The following SKI variants were observed in gnomAD, a reference collection of about 807,000 sequenced individuals.
The protein encoded by SKI is ski oncogene.
In SKI, 23 loss-of-function variants were observed where a neutral mutation model predicts 59.3. The observed-to-expected ratio is 0.39, with a 90% confidence interval of 0.28 to 0.55. The LOEUF (loss-of-function observed/expected upper bound fraction) is 0.55. Ranked by LOEUF, SKI falls within the 20% of genes least tolerant of loss-of-function variation. The probability of loss-of-function intolerance (pLI) is 0.67; values close to 1 mark genes in which losing one functional copy is unlikely to be tolerated. For missense variants in SKI, 1,017 were observed against 1,038.9 expected, an observed-to-expected ratio of 0.98 and a Z score of 0.29; for synonymous variants, 673 against 488.6, an observed-to-expected ratio of 1.38 and a Z score of -4.98.
At chr1:2,286,451 A>G (rs1433160595) in intron 1 of SKI, among the ~76,000 whole-genome samples, 2 of 152,168 alleles carry the variant, frequency 1.3e-5, no homozygotes, top group South Asian at 2.1e-4. Context: ...AACTATGATG[A>G]TGCTACCGCA....
intron 1 of SKI, among the ~76,000 whole-genome samples, chr1:2,284,696 G>A (rs765473364): frequency 6.6e-6 from 1 of 152,196 alleles, no homozygotes; most frequent in Non-Finnish European, 1.5e-5. Flanking sequence ...CGGCCTATGA[G>A]CCCTCCCTGG....
Position 2,303,349 on chromosome 1 carries a change from C to T in SKI, c.1160C>T (p.Ser387Leu), listed in dbSNP as rs2100917116. 1 of 1,613,846 alleles carries T rather than the reference C, an allele frequency of 6.2e-7. No individual in the cohort carries two copies. Among genetic ancestry groups the T allele is most frequent in the East Asian group, 2.2e-5 (1 of 44,876 alleles). ...SAFRPWSPAVSASEKELSPHL... is the reference protein window; with the variant it reads ...SAFRPWSPAVLASEKELSPHL... ...TTCCGACCCTGGTCCCCCGCAGTGT[C>T]AGCGAGTGAGAAAGAGCTCTCCCCA... Residue 387 changes from serine (S) to leucine (L), a missense_variant, in exon 3 of 7, where the codon TCA becomes TTA. By Grantham distance (145) the Ser-to-Leu change is moderately radical (BLOSUM62 -2). Coordinates refer to ENST00000378536, the MANE Select transcript of SKI (RefSeq NM_003036.4). This position sits in a 1 kb window ranked among gnomAD's most constrained non-coding sequence, Gnocchi z 5.6.
intron 1 of SKI, among the ~76,000 whole-genome samples, chr1:2,290,094 TA>T (rs1569829738): frequency 6.6e-6 from 1 of 152,082 alleles, no homozygotes; most frequent in East Asian, 1.9e-4. Context: ...GGGATGTTCC[TA>T]GAGTGGGGAG....
intron 1 of SKI, among the ~76,000 whole-genome samples, chr1:2,273,433 C>A (rs150683619): frequency 1.3e-5 from 2 of 152,178 alleles, no homozygotes; most frequent in Non-Finnish European, 2.9e-5. Context: ...TGAGATGGGA[C>A]TTCTCAGCTT....
At chr1:2,240,345 C>G (rs1297925115) in intron 1 of SKI, among the ~76,000 whole-genome samples, 2 of 152,180 alleles carry the variant, frequency 1.3e-5, no homozygotes, top group East Asian at 3.9e-4. Flanking sequence ...GTGGGAGGGG[C>G]AGGCGCCTCC....
At chr1:2,234,303 C>T (rs982175646) in intron 1 of SKI, among the ~76,000 whole-genome samples, 10 of 152,150 alleles carry the variant, frequency 6.6e-5, no homozygotes, top group African/African-American at 2.4e-4. Context: ...TGGTCATTTT[C>T]CCGGCATGGT....
intron 5 of SKI, 38 bp from the exon 6 acceptor site, chr1:2,305,982 C>T (rs1488504031): frequency 4.8e-6 from 7 of 1,472,616 alleles, no homozygotes; most frequent in African/African-American, 1.4e-5. Flanking sequence ...GTGCTGGGAC[C>T]GGCTGGGCAG....
intron 1 of SKI, among the ~76,000 whole-genome samples, chr1:2,276,378 G>A (rs1176609565): frequency 6.6e-6 from 1 of 152,196 alleles, no homozygotes; most frequent in Non-Finnish European, 1.5e-5. Context: ...GGGCTGCCCC[G>A]ACTGGCCTGG....
chr1:2,290,823 G>A (rs750404735), intron 1 of SKI, among the ~76,000 whole-genome samples: 6 of 152,200 alleles, frequency 3.9e-5, no homozygotes, highest in African/African-American at 1.2e-4. Context: ...CCGCTCTTAC[G>A]AAACACTCTT....
rs750993926 is a variant in SKI at position 2,304,248 on chromosome 1, C to T, written c.1475-45C>T. ...GGCGCGTCTCCCTGGTGTGGAGCTG[C>T]CGGGCACTTCCATGACTTTGTTTCT... On this transcript the variant is annotated intron_variant, in intron 4 of 6. Transcript: ENST00000378536. The T allele has an allele frequency of 1.2e-5, 18 of 1,552,110 alleles. No individual in the cohort carries two copies. In the South Asian group the frequency reaches 2.0e-4, roughly 17 times the overall value.
At chr1:2,273,771 G>A (rs964313374) in intron 1 of SKI, among the ~76,000 whole-genome samples, 1 of 152,226 alleles carries the variant, frequency 6.6e-6, no homozygotes, top group Non-Finnish European at 1.5e-5. Flanking sequence ...CGTGGGCAGC[G>A]TTCGGGCTGA....
In SKI at chr1:2,229,011, C is replaced by G; in HGVS notation, c.245C>G (p.Pro82Arg). The G allele has an allele frequency of 6.3e-7, 1 of 1,582,962 alleles. No homozygotes were observed. Among genetic ancestry groups the G allele is most frequent in the Non-Finnish European group, 8.5e-7 (1 of 1,171,554 alleles). ...CTGCACCTGCCCGCCATCCAGCCGC[C>G]GCCGCCCGTGCTGCCCGGGCCCTTC... Reference protein sequence around the residue: ...PVLHLPAIQPPPPVLPGPFFM... With the variant: ...PVLHLPAIQPRPPVLPGPFFM... The change falls in exon 1 of 7, where the codon CCG becomes CGG. Residue 82 changes from proline (P) to arginine (R), a missense_variant. Transcript: ENST00000378536. This position sits in a 1 kb window ranked among gnomAD's most constrained non-coding sequence, Gnocchi z 6.3.
rs1352120324 is a variant in SKI at position 2,270,487 on chromosome 1, A to G, written c.970-32491A>G. On this transcript the variant is annotated intron_variant, in intron 1 of 6. Coordinates refer to ENST00000378536, the MANE Select transcript of SKI (RefSeq NM_003036.4). This position sits in a 1 kb window ranked among gnomAD's most constrained non-coding sequence, Gnocchi z 4.1. Reference sequence around the variant, plus strand: ...CGAGAGGTCAGGCGGTCACAGGGTAATGGGAGGCCTGTGGTTCCTGGGCTG... The same window carrying G: ...CGAGAGGTCAGGCGGTCACAGGGTAGTGGGAGGCCTGTGGTTCCTGGGCTG... Among the ~76,000 whole-genome samples, 1 of 152,162 alleles carries G rather than the reference A, an allele frequency of 6.6e-6. No homozygotes were observed. Among genetic ancestry groups the G allele is most frequent in the East Asian group, 1.9e-4 (1 of 5,184 alleles).
rs1057523169 is a variant in SKI at position 2,306,561 on chromosome 1, C to T, written c.1999-16C>T. ...GGCAGCGAGCAGGCGCCGCTGACCA[C>T]TCGGCTCCCTTTCAGATCGAAGACC... is the stretch of plus-strand genomic sequence containing the variant. On this transcript the variant is annotated splice_polypyrimidine_tract_variant and intron_variant, in intron 6 of 6. Transcript: ENST00000378536. The T allele has an allele frequency of 1.9e-6, 3 of 1,539,788 alleles. No individual in the cohort carries two copies. The highest frequency in any genetic ancestry group is 2.6e-6 in the Non-Finnish European group (3 of 1,145,070).
chr1:2,244,350 G>T (rs1444918166), intron 1 of SKI, among the ~76,000 whole-genome samples: 1 of 152,062 alleles, frequency 6.6e-6, no homozygotes, highest in Non-Finnish European at 1.5e-5. Context: ...GGCCAAGGTG[G>T]GTGGATCACT....
chr1:2,290,642 C>T (rs1178694978), intron 1 of SKI, among the ~76,000 whole-genome samples: 1 of 152,216 alleles, frequency 6.6e-6, no homozygotes, highest in Middle Eastern at 3.4e-3. Flanking sequence ...GCGATGCCTT[C>T]TGTGGTTTGA....
Position 2,303,913 on chromosome 1 carries a change from G to T in SKI, c.1285G>T (p.Val429Phe). The T allele has an allele frequency of 6.2e-7, 1 of 1,612,218 alleles. No individual in the cohort carries two copies. The highest frequency in any genetic ancestry group is 8.5e-7 in the Non-Finnish European group (1 of 1,179,764). Reference sequence around the variant, plus strand: ...CCTCGCACCGCCGGCCCAGCAGAAGGTTGTGAGCAGCCCTCCGTGTGCCGC... The same window carrying T: ...CCTCGCACCGCCGGCCCAGCAGAAGTTTGTGAGCAGCCCTCCGTGTGCCGC... ...VALAPPAQQK[V>F]VSSPPCAAAV... The change falls in exon 4 of 7, where the codon GTT (valine) becomes TTT (phenylalanine). Residue 429 changes from valine (V) to phenylalanine (F), a missense_variant. Transcript: ENST00000378536. The surrounding 1 kb of genome is among the most constrained non-coding windows in gnomAD (Gnocchi z 5.6).
chr1:2,292,623 C>A (rs1640185439), intron 1 of SKI, among the ~76,000 whole-genome samples: 2 of 152,202 alleles, frequency 1.3e-5, no homozygotes, highest in African/African-American at 4.8e-5. Context: ...GTGGTCATCA[C>A]CCACAGGTCC....
At chr1:2,300,720 G>A (rs1360418821) in intron 1 of SKI, among the ~76,000 whole-genome samples, 2 of 152,206 alleles carry the variant, frequency 1.3e-5, no homozygotes, top group African/African-American at 4.8e-5. Context: ...GTCGCCTGAT[G>A]AGGGGTCGGC....
Sources: allele counts gnomAD v4.1 joint callset (sites outside exome capture counted in the v4.1 genomes callset), GRCh38; gene constraint gnomAD v4.1.1; non-coding constraint Gnocchi (gnomAD v3.1); transcripts MANE v1.5; gene names NCBI Gene and HGNC (gene_info 2026-07-23, HGNC 2026-07-21).